DENND2B: variants seen among roughly 807,000 people sequenced by gnomAD.
DENND2B encodes DENN domain-containing protein 2B.
DENND2B carries 32 observed loss-of-function variants against 116.0 expected under a neutral mutation model. The ratio of observed to expected loss-of-function variants is 0.28; its 90% CI spans 0.21 to 0.37. The LOEUF is 0.37. Ranked by LOEUF, DENND2B falls within the 10% of genes least tolerant of loss-of-function variation. The pLI is 1.00. For synonymous variants in DENND2B, 588 were observed against 583.9 expected, an observed-to-expected ratio of 1.01 and a Z score of -0.10; for missense variants, 1,276 against 1,477.7, an observed-to-expected ratio of 0.86 and a Z score of 2.24.
rs536181302 is a variant in DENND2B, at chr11:8,833,878, G to A, written c.-115+5432C>T. Among the ~76,000 whole-genome samples, 239 of 152,270 alleles carry A rather than the reference G, an allele frequency of 1.6e-3. 1 individual carries two copies. Among genetic ancestry groups the A allele is most frequent in the African/African-American group, 5.7e-3 (236 of 41,542 alleles). The stretch of plus-strand genomic sequence containing the variant: ...TAAGGGTCTGCAGCTGGTTAGTTCA[G>A]TTACTCACAGCCTGGTGCCAGTGAA... On this transcript the variant is annotated intron_variant, in intron 4 of 6. Coordinates refer to the DENND2B transcript ENST00000524757.
intron 1 of DENND2B, chr11:8,771,534 A>AC (rs2056863903): frequency 1.7e-5 from 1 of 58,704 alleles, no homozygotes; most frequent in Non-Finnish European, 5.2e-5. Flanking sequence ...ATATACAGAG[A>AC]GAGAGAGAGA....
intron 14 of DENND2B, among the ~76,000 whole-genome samples, chr11:8,700,825 T>C (rs1034731903): frequency 6.6e-6 from 1 of 151,980 alleles, no homozygotes; most frequent in African/African-American, 2.4e-5. Context: ...ATTTTTAAAT[T>C]TTTATTTATT....
chr11:8,802,850 G>C (rs141541715), intron 1 of DENND2B, among the ~76,000 whole-genome samples: 16 of 152,304 alleles, frequency 1.1e-4, no homozygotes, highest in Non-Finnish European at 1.3e-4. Context: ...ACTAAAGGCT[G>C]AGGCCTCCTT....
intron 1 of DENND2B, among the ~76,000 whole-genome samples, chr11:8,899,242 T>A (rs2064136724): frequency 6.6e-6 from 1 of 151,550 alleles, no homozygotes; most frequent in Non-Finnish European, 1.5e-5. Context: ...TACTAACATA[T>A]GTATAAGGAG....
chr11:8,726,106 T>G lies in DENND2B; in HGVS notation c.1444A>C (p.Thr482Pro). The change falls in exon 4 of 20, where the codon ACT becomes CCT. Residue 482 changes from threonine to proline, a missense_variant. Coordinates refer to ENST00000313726, the MANE Select transcript of DENND2B (RefSeq NM_213618.2). ...TCTTCATAGGCATTTTCTTCTAAAG[T>G]GCTTTTGGATCCAAACTTGGGTTGG... is the stretch of plus-strand genomic sequence containing the variant. ...ENQPKFGSKS[T>P]LEENAYEDIV... 6.2e-7 allele frequency: 1 copy of G among 1,614,164 alleles called. No individual in the cohort carries two copies. The highest frequency in any genetic ancestry group is 8.5e-7 in the Non-Finnish European group (1 of 1,180,008).
chr11:8,693,715 T>TCAGG lies in DENND2B; in HGVS notation c.*377_*380dup, dbSNP rs3833781. ...GGGCCCGGGACTGGCAGCGGGGACC[T>TCAGG]CAGGCAGGCAGGCAGGCCGAAGGCC... On this transcript the variant is annotated 3_prime_UTR_variant, in exon 20 of 20. Coordinates refer to ENST00000313726, the MANE Select transcript of DENND2B (RefSeq NM_213618.2). 0.43 allele frequency: 83,842 copies of TCAGG among 195,174 alleles called. 18,721 individuals carry two copies. The highest frequency in any genetic ancestry group is 0.47 in the Non-Finnish European group (45,745 of 96,472). The allele number at this position is 195,174 out of a possible 1,614,324, so 12.1% of individuals were successfully genotyped here.
Position 8,702,854 on chromosome 11 carries a change from C to T in DENND2B, c.2572-134G>A. 1 of 1,066,458 alleles carries T rather than the reference C, an allele frequency of 9.4e-7. No homozygotes were observed. The highest frequency in any genetic ancestry group is 1.3e-6 in the Non-Finnish European group (1 of 751,240). The allele number at this position is 1,066,458 out of a possible 1,614,324, so 66.1% of individuals were successfully genotyped here. A position where few individuals can be genotyped will look rare whatever the true frequency, so the allele number is the denominator to read the frequency against. On this transcript the variant is annotated intron_variant, in intron 13 of 19. Transcript: ENST00000313726. The surrounding 1 kb of genome is among the most constrained non-coding windows in gnomAD (Gnocchi z 4.6). ...CAGGTCTCTCGTCTACCCTGCTATG[C>T]AGTAAACCCCTCTTCTCCATCCCTC...
At chr11:8,723,075 T>C (rs1343025453) in intron 4 of DENND2B, among the ~76,000 whole-genome samples, 1 of 152,046 alleles carries the variant, frequency 6.6e-6, no homozygotes, top group African/African-American at 2.4e-5. Flanking sequence ...GCAGCTCTGT[T>C]GCCCCACCCC....
chr11:8,734,842 G>A (rs1334083669), intron 2 of DENND2B, among the ~76,000 whole-genome samples: 1 of 150,800 alleles, frequency 6.6e-6, no homozygotes, highest in East Asian at 1.9e-4. Context: ...GAATCCCTGT[G>A]AGAAATAGTA....
intron 3 of DENND2B, among the ~76,000 whole-genome samples, chr11:8,851,075 A>C (rs982326569): frequency 7.2e-5 from 11 of 152,166 alleles, no homozygotes; most frequent in African/African-American, 2.7e-4. Context: ...AATTTCAGAG[A>C]GATAGGAGGA....
intron 4 of DENND2B, among the ~76,000 whole-genome samples, chr11:8,826,155 C>G (rs950141343): frequency 1.3e-5 from 2 of 152,134 alleles, no homozygotes; most frequent in Non-Finnish European, 2.9e-5. Context: ...GAATAAAGAA[C>G]GCTCACAGAA....
chr11:8,891,457 A>C (rs373604925), intron 1 of DENND2B, among the ~76,000 whole-genome samples: 19 of 152,366 alleles, frequency 1.2e-4, no homozygotes, highest in East Asian at 1.2e-3. Context: ...AATTGGATAA[A>C]GAGTCAAGAC....
intron 2 of DENND2B, among the ~76,000 whole-genome samples, chr11:8,867,965 G>T (rs1405807673): frequency 1.3e-5 from 2 of 152,120 alleles, no homozygotes; most frequent in Non-Finnish European, 2.9e-5. Context: ...GCGAGGAAAA[G>T]CTTTTAAACA....
chr11:8,832,958 G>C (rs1329618733), intron 4 of DENND2B, among the ~76,000 whole-genome samples: 1 of 152,262 alleles, frequency 6.6e-6, no homozygotes, highest in Non-Finnish European at 1.5e-5. Flanking sequence ...TCACAGGGGA[G>C]CCCAAGGCAG....
chr11:8,715,531 A>G, intron 6 of DENND2B, 72 bp downstream of exon 6: 2 of 1,501,652 alleles, frequency 1.3e-6, no homozygotes, highest in Non-Finnish European at 1.8e-6. Context: ...GGAAGCCAGG[A>G]AAGAGAGAGA....
chr11:8,827,132 G>T (rs781298956), intron 4 of DENND2B, among the ~76,000 whole-genome samples: 1 of 152,232 alleles, frequency 6.6e-6, no homozygotes, highest in Non-Finnish European at 1.5e-5. Context: ...GAATTTGCAG[G>T]AAAGAAAGAA....
rs1170609662 is a variant in DENND2B, at chr11:8,730,063, A to T, written c.1227T>A (p.Gly409=). 1.2e-6 allele frequency: 2 copies of T among 1,614,122 alleles called. No individual in the cohort carries two copies. Among genetic ancestry groups the T allele is most frequent in the South Asian group, 2.2e-5 (2 of 91,080 alleles). ...CAGCAGGTGTGGGTGAAGGAGGTAGACCATTACTGGGCTTACTCTTGGGGT... is the reference window on the plus strand; with the variant it reads ...CAGCAGGTGTGGGTGAAGGAGGTAGTCCATTACTGGGCTTACTCTTGGGGT... ...DKNPKSKPSN[G]LPPSPTPAAP... is the part of the protein sequence containing the mutation. Residue 409 remains glycine (G), a synonymous_variant, in exon 3 of 20, where the codon GGT becomes GGA. Transcript: ENST00000313726. This position sits in a 1 kb window ranked among gnomAD's most constrained non-coding sequence, Gnocchi z 4.1.
At chr11:8,837,110 G>A (rs372686870) in intron 4 of DENND2B, among the ~76,000 whole-genome samples, 30 of 152,144 alleles carry the variant, frequency 2.0e-4, no homozygotes, top group African/African-American at 7.0e-4. Flanking sequence ...TTCTGTACTG[G>A]AAGAAGCCAA....
In DENND2B at chr11:8,848,206, T is replaced by C. The variant is rs143099414; in HGVS notation, c.-155-8856A>G. Among the ~76,000 whole-genome samples, 501 of 152,294 alleles carry C rather than the reference T, an allele frequency of 3.3e-3. 3 individuals are homozygous for C. The highest frequency in any genetic ancestry group is 0.011 in the African/African-American group (467 of 41,556). On this transcript the variant is annotated intron_variant, in intron 3 of 6. Transcript: ENST00000524757. Reference sequence around the variant, plus strand: ...CAGTGTAACAAGGTGAGTAGACTCTTTGAGCAAGTGAAAAAGAAATATCTC... The same window carrying C: ...CAGTGTAACAAGGTGAGTAGACTCTCTGAGCAAGTGAAAAAGAAATATCTC...
Sources: gnomAD v4.1 joint callset for allele counts (sites outside exome capture counted in the v4.1 genomes callset) on GRCh38, gnomAD v4.1.1 for gene constraint, Gnocchi (gnomAD v3.1) non-coding constraint, MANE v1.5 for transcripts, NCBI Gene and HGNC (gene_info 2026-07-23, HGNC 2026-07-21) for gene names.